TUSC3: variants seen among roughly 807,000 people sequenced by gnomAD.
The protein encoded by TUSC3 is tumor suppressor candidate 3.
Under a neutral mutation model 44.8 loss-of-function variants are expected in TUSC3, and 45 were observed. The ratio of observed to expected loss-of-function variants is 1.00; its 90% confidence interval spans 0.79 to 1.29. TUSC3 has a LOEUF of 1.29. TUSC3 is among the 50% of genes most tolerant of loss of function. The pLI is 0.00. For synonymous variants in TUSC3, 212 were observed against 152.9 expected (o/e 1.39, Z -2.85); for missense variants, 519 against 437.9 (o/e 1.19, Z -1.65).
chr8:15,465,486 A>G (rs1000200084), intron 1 of TUSC3, among the ~76,000 whole-genome samples: 2 of 152,232 alleles, frequency 1.3e-5, no homozygotes, highest in Non-Finnish European at 2.9e-5. Flanking sequence ...ACAATGATCA[A>G]CAAACATTAT....
At chr8:15,455,561 T>A (rs1244414313) in intron 1 of TUSC3, among the ~76,000 whole-genome samples, 1 of 152,196 alleles carries the variant, frequency 6.6e-6, no homozygotes, top group Non-Finnish European at 1.5e-5. Flanking sequence ...TTTGTGTATA[T>A]GTATACATAT....
chr8:15,617,096 T>C (rs1010798400), intron 1 of TUSC3, among the ~76,000 whole-genome samples: 11 of 137,750 alleles, frequency 8.0e-5, no homozygotes, highest in Non-Finnish European at 1.7e-4. Flanking sequence ...CAAGTCTATA[T>C]TTGTTTCTGT....
intron 8 of TUSC3, among the ~76,000 whole-genome samples, chr8:15,745,349 G>A (rs1377838277): frequency 6.6e-6 from 1 of 152,062 alleles, no homozygotes; most frequent in South Asian, 2.1e-4. Context: ...TGGGCCAAAG[G>A]TAGCACTGTG....
intron 8 of TUSC3, among the ~76,000 whole-genome samples, chr8:15,748,018 T>A (rs1223309159): frequency 1.3e-5 from 2 of 152,122 alleles, no homozygotes; most frequent in Non-Finnish European, 2.9e-5. Flanking sequence ...GGCAATAATC[T>A]TGTTTGTGGT....
the TUSC3 span, among the ~76,000 whole-genome samples, chr8:15,808,274 GTTA>G: frequency 1.3e-5 from 2 of 151,758 alleles, no homozygotes; most frequent in African/African-American, 2.4e-5. Context: ...TCAAATATTG[GTTA>G]TTATTTTAAT....
At chr8:15,673,894 T>A in intron 6 of TUSC3, 58 bp downstream of exon 6, 1 of 1,407,670 alleles carries the variant, frequency 7.1e-7, no homozygotes, top group Non-Finnish European at 1.0e-6. Context: ...AATTTAGGAA[T>A]AAGAAATTAT....
intron 2 of TUSC3, among the ~76,000 whole-genome samples, chr8:15,521,654 T>C (rs1563273059): frequency 6.6e-6 from 1 of 152,132 alleles, no homozygotes; most frequent in Non-Finnish European, 1.5e-5. Flanking sequence ...TTAAGAAAGT[T>C]TACGAATTTA....
intron 1 of TUSC3, among the ~76,000 whole-genome samples, chr8:15,430,782 C>G (rs938899234): frequency 2.6e-5 from 4 of 151,714 alleles, no homozygotes; most frequent in African/African-American, 9.8e-5. Context: ...TCAGCAAAAT[C>G]TCAGGCTACA....
intron 6 of TUSC3, among the ~76,000 whole-genome samples, chr8:15,688,298 G>C (rs1392818002): frequency 6.6e-6 from 1 of 152,062 alleles, no homozygotes; most frequent in East Asian, 1.9e-4. Flanking sequence ...CAGTAACTCA[G>C]AAAAATTGTT....
chr8:15,681,637 T>G (rs1159366140), intron 6 of TUSC3, among the ~76,000 whole-genome samples: 4 of 151,874 alleles, frequency 2.6e-5, no homozygotes, highest in Non-Finnish European at 5.9e-5. Context: ...GTTTCATTGA[T>G]TCTTTATATG....
the TUSC3 span, among the ~76,000 whole-genome samples, chr8:15,851,132 A>C: frequency 6.6e-6 from 1 of 152,204 alleles, no homozygotes; most frequent in Non-Finnish European, 1.5e-5. Context: ...TGATCTAAAA[A>C]TATGTTTCAT....
chr8:15,626,596 C>T (rs1805520139), intron 2 of TUSC3, among the ~76,000 whole-genome samples: 1 of 152,188 alleles, frequency 6.6e-6, no homozygotes, highest in Non-Finnish European at 1.5e-5. Context: ...CATCTCTCTG[C>T]ACTCTCAGTG....
chr8:15,471,135 T>C (rs1327511749), intron 1 of TUSC3, among the ~76,000 whole-genome samples: 1 of 152,220 alleles, frequency 6.6e-6, no homozygotes, highest in African/African-American at 2.4e-5. Flanking sequence ...ATTTCTTTGA[T>C]TTAATTCCCC....
At chr8:15,804,833 T>G in the TUSC3 span, among the ~76,000 whole-genome samples, 1 of 152,212 alleles carries the variant, frequency 6.6e-6, no homozygotes, top group African/African-American at 2.4e-5. Flanking sequence ...TATGTGAATT[T>G]TGAACTAGTT....
chr8:15,714,243 G>A (rs541076918), intron 6 of TUSC3, among the ~76,000 whole-genome samples: 255 of 152,230 alleles, frequency 1.7e-3, no homozygotes, highest in Non-Finnish European at 3.2e-3. Flanking sequence ...ACTTATAAAG[G>A]ATTTGAATGA....
intron 2 of TUSC3, among the ~76,000 whole-genome samples, chr8:15,630,540 G>C (rs1166163189): frequency 6.6e-6 from 1 of 152,140 alleles, no homozygotes; most frequent in African/African-American, 2.4e-5. Context: ...TTAAAGCTGA[G>C]AGGTTATAAT....
At chr8:15,704,510 T>C (rs1187760024) in intron 6 of TUSC3, among the ~76,000 whole-genome samples, 1 of 152,134 alleles carries the variant, frequency 6.6e-6, no homozygotes, top group Non-Finnish European at 1.5e-5. Context: ...TAAAAATCAC[T>C]TATTTTTGAG....
chr8:15,462,530 C>T (rs554159257), intron 1 of TUSC3, among the ~76,000 whole-genome samples: 1 of 152,008 alleles, frequency 6.6e-6, no homozygotes, highest in Non-Finnish European at 1.5e-5. Context: ...AATGTTATCT[C>T]CCTACGATAT....
intron 2 of TUSC3, among the ~76,000 whole-genome samples, chr8:15,509,699 T>A (rs1801106767): frequency 6.6e-6 from 1 of 152,206 alleles, no homozygotes; most frequent in African/African-American, 2.4e-5. Flanking sequence ...TTGTACTTCT[T>A]AATATTTTGG....
Sources: allele counts gnomAD v4.1 joint callset (sites outside exome capture counted in the v4.1 genomes callset), GRCh38; gene constraint gnomAD v4.1.1; transcripts MANE v1.5; gene names NCBI Gene and HGNC (gene_info 2026-07-23, HGNC 2026-07-21).